Variants in ANKS1B observed in about 807,000 individuals in gnomAD.
ANKS1B encodes ankyrin repeat and sterile alpha motif domain-containing protein 1B.
Under a neutral mutation model 148.3 loss-of-function variants are expected in ANKS1B, and 36 were observed. That is an observed-to-expected ratio of 0.24 (90% CI 0.19 to 0.32). ANKS1B has a LOEUF of 0.32. Among genes scored for constraint, ANKS1B ranks in the 10% least tolerant of loss-of-function variants. The pLI, the probability that ANKS1B is intolerant of heterozygous loss-of-function variation, is 1.00. For synonymous variants in ANKS1B, 542 were observed against 560.8 expected, an observed-to-expected ratio of 0.97 and a Z score of 0.47; for missense variants, 1,157 against 1,542.6, an observed-to-expected ratio of 0.75 and a Z score of 4.19.
At chr12:98,984,606 A>G (rs1265419665) in intron 17 of ANKS1B, among the ~76,000 whole-genome samples, 3 of 152,160 alleles carry the variant, frequency 2.0e-5, no homozygotes. Context: ...CCACTACATA[A>G]CAAGACTCTC....
Position 99,684,368 on chromosome 12 carries a change from CAAAAAAA to C in ANKS1B, c.1129-29165_1129-29159del, listed in dbSNP as rs572669891. 4.8e-5 allele frequency among the ~76,000 whole-genome samples: 4 copies of C among 82,552 alleles called. No homozygotes were observed. In the South Asian group the frequency reaches 1.4e-3, roughly 29 times the overall value. 54.2% of individuals were successfully genotyped at this position (82,552 alleles called of 152,430 possible). On this transcript the variant is annotated intron_variant, in intron 8 of 26. Transcript: ENST00000683438. ...AACTCAACTCCTTTTACAACAGCTGCAAAAAAAAAAAAAAAAAGGGAAAAAGAAATAC... is the reference window on the plus strand; with the variant it reads ...AACTCAACTCCTTTTACAACAGCTGCAAAAAAAAAAGGGAAAAAGAAATAC...
At chr12:99,528,959 G>A (rs1290330246) in intron 9 of ANKS1B, among the ~76,000 whole-genome samples, 2 of 152,010 alleles carry the variant, frequency 1.3e-5, no homozygotes, top group African/African-American at 4.8e-5. Context: ...TGATTTTCAG[G>A]GAAAAAATAT....
chr12:98,849,891 C>A (rs900891618), intron 17 of ANKS1B, among the ~76,000 whole-genome samples: 1 of 152,168 alleles, frequency 6.6e-6, no homozygotes, highest in Non-Finnish European at 1.5e-5. Context: ...GGAATGGCCT[C>A]ATGGCTAATT....
intron 8 of ANKS1B, among the ~76,000 whole-genome samples, chr12:99,755,447 A>T (rs530613281): frequency 2.6e-5 from 4 of 152,218 alleles, no homozygotes; most frequent in Admixed American, 2.6e-4. Context: ...TCCTACTGAA[A>T]CTATTCCAAA....
At chr12:99,906,396 T>C (rs1258995085) in intron 1 of ANKS1B, among the ~76,000 whole-genome samples, 1 of 152,248 alleles carries the variant, frequency 6.6e-6, no homozygotes, top group African/African-American at 2.4e-5. Flanking sequence ...CCCAAAGACG[T>C]AATGCACAAT....
chr12:98,950,551 C>T (rs760259959), intron 17 of ANKS1B, among the ~76,000 whole-genome samples: 1 of 151,976 alleles, frequency 6.6e-6, no homozygotes, highest in Non-Finnish European at 1.5e-5. Context: ...CCTGCGAGTC[C>T]TAAGGAAACT....
chr12:99,733,297 G>A (rs1054451869), intron 8 of ANKS1B, among the ~76,000 whole-genome samples: 3 of 152,180 alleles, frequency 2.0e-5, no homozygotes, highest in African/African-American at 2.4e-5. Flanking sequence ...CCAGTGCCTC[G>A]TTAGGCTGGA....
intron 1 of ANKS1B, among the ~76,000 whole-genome samples, chr12:99,851,654 T>C (rs1430072661): frequency 6.6e-6 from 1 of 152,132 alleles, no homozygotes; most frequent in Non-Finnish European, 1.5e-5. Flanking sequence ...GTAATATTGG[T>C]AATAACAATT....
At chr12:99,439,273 C>T (rs777941846) in intron 11 of ANKS1B, among the ~76,000 whole-genome samples, 2 of 151,542 alleles carry the variant, frequency 1.3e-5, no homozygotes, top group Non-Finnish European at 3.0e-5. Flanking sequence ...GTCACAAAAA[C>T]ACTAACCATA....
chr12:99,145,169 A>G (rs2153807157), intron 15 of ANKS1B, among the ~76,000 whole-genome samples: 1 of 152,260 alleles, frequency 6.6e-6, no homozygotes, highest in Middle Eastern at 3.4e-3. Flanking sequence ...AGGACAGTTG[A>G]GTATTACCAA....
chr12:98,981,609 T>C (rs560937432), intron 17 of ANKS1B, among the ~76,000 whole-genome samples: 1 of 152,354 alleles, frequency 6.6e-6, no homozygotes, highest in East Asian at 1.9e-4. Flanking sequence ...GTGCTGGGAT[T>C]ACAGGCGTGA....
In ANKS1B at chr12:99,812,294, A is replaced by T; in HGVS notation, c.233T>A (p.Leu78Gln). The T allele has an allele frequency of 6.2e-7, 1 of 1,611,230 alleles. No homozygotes were observed. The highest frequency in any genetic ancestry group is 1.7e-4 in the Middle Eastern group (1 of 6,046). The stretch of plus-strand genomic sequence containing the variant: ...ATTTGTTGATGCCTCATACTGAAGT[A>T]GTTTGAGAACTATGTCCCTAAAAAG... ...LNGHKDIVLK[L>Q]LQYEASTNVA... The change falls in exon 3 of 27, where the codon CTA becomes CAA. Residue 78 changes from leucine to glutamine, a missense_variant. Coordinates refer to ENST00000683438, the MANE Select transcript of ANKS1B (RefSeq NM_001352186.2).
intron 17 of ANKS1B, among the ~76,000 whole-genome samples, chr12:98,978,192 C>T (rs2099901037): frequency 6.6e-6 from 1 of 151,846 alleles, no homozygotes; most frequent in African/African-American, 2.4e-5. Context: ...ATGTCTATTA[C>T]CTTGCTACTT....
In ANKS1B at chr12:99,325,621, T is replaced by C. The variant is rs774099849; in HGVS notation, c.1756+74010A>G. Among the ~76,000 whole-genome samples the C allele has an allele frequency of 4.9e-4, 74 of 152,258 alleles. 1 individual carries two copies. The highest frequency in any genetic ancestry group is 8.7e-4 in the Non-Finnish European group (59 of 67,998). On this transcript the variant is annotated intron_variant, in intron 12 of 26. Transcript: ENST00000683438. ...TGAAAAATTAAAGCTGAACAAACTA[T>C]ACACTTGATGGTTGCTAAAATTGTT... is the stretch of plus-strand genomic sequence containing the variant.
At chr12:99,345,141 T>C (rs563970074) in intron 12 of ANKS1B, among the ~76,000 whole-genome samples, 9 of 152,218 alleles carry the variant, frequency 5.9e-5, no homozygotes, top group African/African-American at 2.2e-4. Flanking sequence ...GATAAAATGA[T>C]CCTAATTCAT....
intron 9 of ANKS1B, among the ~76,000 whole-genome samples, chr12:99,640,907 A>G (rs577613761): frequency 1.4e-3 from 220 of 152,324 alleles, no homozygotes; most frequent in African/African-American, 5.0e-3. Flanking sequence ...CAGAAAATAT[A>G]AAATCTTTAT....
At chr12:99,064,398 T>A (rs918966915) in intron 16 of ANKS1B, among the ~76,000 whole-genome samples, 1 of 152,104 alleles carries the variant, frequency 6.6e-6, no homozygotes, top group Admixed American at 6.5e-5. Context: ...TCAAGACACA[T>A]AGGGGATCAG....
At chr12:99,715,390 A>AC (rs2057180892) in intron 8 of ANKS1B, among the ~76,000 whole-genome samples, 3 of 151,844 alleles carry the variant, frequency 2.0e-5, no homozygotes, top group Non-Finnish European at 2.9e-5. Flanking sequence ...GCACCTTGTG[A>AC]CCCCCAACTC....
intron 15 of ANKS1B, among the ~76,000 whole-genome samples, chr12:99,151,263 C>T (rs2074808553): frequency 6.6e-6 from 1 of 152,120 alleles, no homozygotes; most frequent in Admixed American, 6.6e-5. Flanking sequence ...TGTGGTGGCT[C>T]ATGCCTGTAA....
Sources: allele counts gnomAD v4.1 joint callset (sites outside exome capture counted in the v4.1 genomes callset), GRCh38; gene constraint gnomAD v4.1.1; transcripts MANE v1.5; gene names NCBI Gene and HGNC (gene_info 2026-07-23, HGNC 2026-07-21).